EVC2: variants seen among roughly 807,000 people sequenced by gnomAD.
EVC2 encodes EvC ciliary complex subunit 2, also known as limbin.
In EVC2, 148 loss-of-function variants were observed where a neutral mutation model predicts 149.3. That is an observed-to-expected ratio of 0.99 (90% CI 0.87 to 1.14). The LOEUF (loss-of-function observed/expected upper bound fraction) is 1.14, where lower values mean the gene tolerates loss of function less well. Ranked by LOEUF, EVC2 falls within the 50% of genes most tolerant of loss-of-function variation. The pLI is 0.00. For missense variants in EVC2, 1,854 were observed against 1,627.3 expected (o/e 1.14, Z -2.40); for synonymous variants, 776 against 649.9 (o/e 1.19, Z -2.95).
intron 16 of EVC2, among the ~76,000 whole-genome samples, chr4:5,604,389 C>T (rs1463718000): frequency 6.6e-6 from 1 of 152,198 alleles, no homozygotes; most frequent in Non-Finnish European, 1.5e-5. Context: ...CCTGTTTCCA[C>T]TCACACGTGG....
chr4:5,706,333 G>GATAGATACATAGATAC (rs1192892104), intron 1 of EVC2, among the ~76,000 whole-genome samples: 1 of 104,398 alleles, frequency 9.6e-6, no homozygotes, highest in Admixed American at 9.9e-5. Context: ...TAGATAGATA[G>GATAGATACATAGATAC]ATAGATACAT....
intron 21 of EVC2, among the ~76,000 whole-genome samples, chr4:5,554,399 G>A (rs537174940): frequency 1.3e-5 from 2 of 152,188 alleles, no homozygotes; most frequent in Non-Finnish European, 2.9e-5. Flanking sequence ...AATGTTAGAA[G>A]TTCAGGAAGA....
chr4:5,608,849 T>G (rs1374784700), intron 16 of EVC2, among the ~76,000 whole-genome samples: 1 of 152,154 alleles, frequency 6.6e-6, no homozygotes. Context: ...GATGAGTATC[T>G]GAATCAGCAG....
chr4:5,541,300 G>C (rs1266732468), downstream of EVC2, among the ~76,000 whole-genome samples: 3 of 152,070 alleles, frequency 2.0e-5, no homozygotes, highest in Non-Finnish European at 4.4e-5. Context: ...TGTTCCCATG[G>C]AGCTGACAGT....
chr4:5,676,871 G>A (rs1398715139), intron 7 of EVC2, among the ~76,000 whole-genome samples: 1 of 152,076 alleles, frequency 6.6e-6, no homozygotes, highest in Non-Finnish European at 1.5e-5. Flanking sequence ...TAGTGCCTCA[G>A]TGTGAGGGTG....
At chr4:5,598,218 A>C (rs570704694) in intron 16 of EVC2, among the ~76,000 whole-genome samples, 133 of 151,838 alleles carry the variant, frequency 8.8e-4, no homozygotes, top group African/African-American at 3.1e-3. Flanking sequence ...GAAAAAACTA[A>C]TTTAAAGTTC....
rs1721454233 is a variant in EVC2, at chr4:5,696,010, A to C, written c.284-1509T>G. Among the ~76,000 whole-genome samples, 2 of 152,146 alleles carry C rather than the reference A, an allele frequency of 1.3e-5. No individual in the cohort carries two copies. Among genetic ancestry groups the C allele is most frequent in the African/African-American group, 4.8e-5 (2 of 41,424 alleles). On this transcript the variant is annotated intron_variant, in intron 2 of 21. Transcript: ENST00000344408. The surrounding 1 kb of genome is among the most constrained non-coding windows in gnomAD (Gnocchi z 4.1). ...ATGGGATAAGGGCTCCAATTGCATCAAGCATCGGGGAACTGATGGCCCTCG... is the reference window on the plus strand; with the variant it reads ...ATGGGATAAGGGCTCCAATTGCATCCAGCATCGGGGAACTGATGGCCCTCG...
At chr4:5,563,597 C>G (rs1722086197) in intron 21 of EVC2, among the ~76,000 whole-genome samples, 1 of 152,164 alleles carries the variant, frequency 6.6e-6, no homozygotes, top group African/African-American at 2.4e-5. Flanking sequence ...ACATCGGCCT[C>G]TCAAAGTGCT....
At chr4:5,547,229 C>T (rs1027941930) in intron 21 of EVC2, among the ~76,000 whole-genome samples, 3 of 152,264 alleles carry the variant, frequency 2.0e-5, no homozygotes, top group Non-Finnish European at 4.4e-5. Flanking sequence ...ATGCCAGCCC[C>T]CCACTGCCTC....
intron 9 of EVC2, among the ~76,000 whole-genome samples, chr4:5,658,597 T>C (rs1339753005): frequency 1.3e-5 from 2 of 152,206 alleles, no homozygotes; most frequent in African/African-American, 4.8e-5. Context: ...AAAACAGACA[T>C]AGGTCTGAAC....
chr4:5,573,288 T>G (rs575359116), intron 19 of EVC2, among the ~76,000 whole-genome samples: 15 of 152,192 alleles, frequency 9.9e-5, no homozygotes, highest in African/African-American at 2.2e-4. Context: ...AAAGTGGTTA[T>G]CTTAGATTAT....
chr4:5,562,708 T>C lies in EVC2; in HGVS notation c.*140A>G. Reference sequence around the variant, plus strand: ...AAGATTAAACCGAGTCCCTGCAAGTTGGCATGCGCTACGGGGTCTGTGCCT... The same window carrying C: ...AAGATTAAACCGAGTCCCTGCAAGTCGGCATGCGCTACGGGGTCTGTGCCT... On this transcript the variant is annotated 3_prime_UTR_variant, in exon 22 of 22. Coordinates refer to ENST00000344408, the MANE Select transcript of EVC2 (RefSeq NM_147127.5). The surrounding 1 kb of genome is among the most constrained non-coding windows in gnomAD (Gnocchi z 4.3). 1.3e-6 allele frequency: 2 copies of C among 1,540,412 alleles called. No individual in the cohort carries two copies. The highest frequency in any genetic ancestry group is 1.7e-6 in the Non-Finnish European group (2 of 1,152,672).
chr4:5,652,641 G>A (rs2108881625), intron 9 of EVC2, among the ~76,000 whole-genome samples: 1 of 152,292 alleles, frequency 6.6e-6, no homozygotes, highest in Non-Finnish European at 1.5e-5. Flanking sequence ...AAAAACCCCA[G>A]GGTGAGGGAG....
chr4:5,645,482 G>C (rs1283371688), intron 9 of EVC2, among the ~76,000 whole-genome samples: 1 of 152,008 alleles, frequency 6.6e-6, no homozygotes, highest in Non-Finnish European at 1.5e-5. Flanking sequence ...TCATCATTTA[G>C]CTCCCACTTA....
the EVC2 span, among the ~76,000 whole-genome samples, chr4:5,536,247 T>C: frequency 2.0e-5 from 3 of 152,172 alleles, no homozygotes; most frequent in South Asian, 2.1e-4. Flanking sequence ...ACTCTACTTA[T>C]TATATCAGAA....
At chr4:5,617,487 CCTA>C (rs1202341667) in intron 15 of EVC2, among the ~76,000 whole-genome samples, 1 of 152,164 alleles carries the variant, frequency 6.6e-6, no homozygotes, top group Non-Finnish European at 1.5e-5. Flanking sequence ...TTACTGTGCA[CCTA>C]CTACGCACTT....
In EVC2 at chr4:5,650,604, C is replaced by CATAT. The variant is rs66673359; in HGVS notation, c.1146-9770_1146-9767dup. The stretch of plus-strand genomic sequence containing the variant: ...TACGATCAGGCTTTGTTTTAATCGC[C>CATAT]ATATATATATATATATATATATATA... On this transcript the variant is annotated intron_variant, in intron 9 of 21. Transcript: ENST00000344408. Among the ~76,000 whole-genome samples the CATAT allele has an allele frequency of 6.7e-3, 356 of 52,858 alleles. 1 individual carries two copies. The highest frequency in any genetic ancestry group is 0.014 in the Middle Eastern group (1 of 70). The allele number at this position is 52,858 out of a possible 152,430, so 34.7% of individuals were successfully genotyped here.
chr4:5,666,799 T>C (rs1719312818), intron 7 of EVC2, among the ~76,000 whole-genome samples: 1 of 152,222 alleles, frequency 6.6e-6, no homozygotes, highest in African/African-American at 2.4e-5. Context: ...CTTTTTTATT[T>C]TGATGAAGTA....
downstream of EVC2, among the ~76,000 whole-genome samples, chr4:5,542,300 A>G (rs1249155361): frequency 6.6e-6 from 1 of 152,028 alleles, no homozygotes; most frequent in Non-Finnish European, 1.5e-5. Context: ...AATAATTTTT[A>G]AGAAATTACC....
Sources: allele counts gnomAD v4.1 joint callset (sites outside exome capture counted in the v4.1 genomes callset), GRCh38; gene constraint gnomAD v4.1.1; non-coding constraint Gnocchi (gnomAD v3.1); transcripts MANE v1.5; gene names NCBI Gene and HGNC (gene_info 2026-07-23, HGNC 2026-07-21).